The following PPP1R37 variants were observed in gnomAD, a reference collection of about 807,000 sequenced individuals.
PPP1R37 encodes the protein leucine rich repeat containing 68.
A neutral mutation model predicts 61.0 loss-of-function variants in PPP1R37; 21 were observed. That is an observed-to-expected ratio of 0.34 (90% CI 0.24 to 0.50). The LOEUF is 0.50. PPP1R37 is among the 20% of genes least tolerant of loss of function. PPP1R37 has a pLI of 0.98. For synonymous variants in PPP1R37, 443 were observed against 433.5 expected (o/e 1.02, Z -0.27); for missense variants, 910 against 952.7 (o/e 0.96, Z 0.59).
At position 45,119,143 on chromosome 19, in the gene PPP1R37, A is replaced by G. The variant is rs188079046; in HGVS notation, c.203-19371A>G. 2.8e-3 allele frequency among the ~76,000 whole-genome samples: 394 copies of G among 141,064 alleles called. 2 individuals carry two copies. The highest frequency in any genetic ancestry group is 9.6e-3 in the African/African-American group (359 of 37,478). The allele number at this position is 141,064 out of a possible 152,430, so 92.5% of individuals were successfully genotyped here. On this transcript the variant is annotated intron_variant, in intron 1 of 12. Coordinates refer to ENST00000221462, the MANE Select transcript of PPP1R37 (RefSeq NM_019121.2). ...AGCTGGGATTACAGGCACGTGCCAC[A>G]ACACCCGTCTAATTTTTTTTTTTTT...
chr19:45,108,422 G>A (rs1201588518), intron 1 of PPP1R37, among the ~76,000 whole-genome samples: 1 of 151,416 alleles, frequency 6.6e-6, no homozygotes, highest in Non-Finnish European at 1.5e-5. Flanking sequence ...TGGCCAGGCT[G>A]GTCTCAAACT....
chr19:45,124,961 A>AC (rs984208242), intron 1 of PPP1R37, among the ~76,000 whole-genome samples: 1 of 151,618 alleles, frequency 6.6e-6, no homozygotes, highest in Non-Finnish European at 1.5e-5. Flanking sequence ...ACAGATGGGG[A>AC]CCCCCCAAAA....
intron 1 of PPP1R37, among the ~76,000 whole-genome samples, chr19:45,099,232 C>T (rs1207631756): frequency 6.6e-6 from 1 of 152,224 alleles, no homozygotes; most frequent in Non-Finnish European, 1.5e-5. Context: ...AGGCCCACTC[C>T]TCCAGGCTGG....
chr19:45,128,426 C>A (rs983886217), intron 1 of PPP1R37: 1 of 489,802 alleles, frequency 2.0e-6, no homozygotes, highest in African/African-American at 2.0e-5. Flanking sequence ...TATTGTGATG[C>A]CTGCAGCTGT....
intron 11 of PPP1R37, 167 bp downstream of exon 11, chr19:45,146,216 C>G: frequency 1.1e-6 from 1 of 943,714 alleles, no homozygotes; most frequent in Non-Finnish European, 1.5e-6. Flanking sequence ...CCCTTGGGTC[C>G]TGGGAGCTCT....
chr19:45,093,434 G>T lies in PPP1R37; in HGVS notation c.109G>T (p.Gly37Trp). ...CAGCCCCGCGTCGCCCCCCGCCGAT[G>T]GGCGCCTCAAGGCTGCAGCCAAGCG... ...SPSPASPPAD[G>W]RLKAAAKRVT... The change falls in exon 1 of 13, where the codon GGG becomes TGG. Residue 37 changes from glycine to tryptophan, a missense_variant. Gly to Trp is a radical substitution (Grantham distance 184). Coordinates refer to ENST00000221462, the MANE Select transcript of PPP1R37 (RefSeq NM_019121.2). The T allele has an allele frequency of 6.5e-7, 1 of 1,535,042 alleles. No individual in the cohort carries two copies. The highest frequency in any genetic ancestry group is 8.7e-7 in the Non-Finnish European group (1 of 1,146,490).
chr19:45,125,209 A>C (rs1968389246), intron 1 of PPP1R37, among the ~76,000 whole-genome samples: 1 of 152,090 alleles, frequency 6.6e-6, no homozygotes, highest in African/African-American at 2.4e-5. Context: ...TCACGTCTGT[A>C]ATCCCAGCAC....
At chr19:45,115,299 C>T (rs755178423) in intron 1 of PPP1R37, among the ~76,000 whole-genome samples, 5 of 152,114 alleles carry the variant, frequency 3.3e-5, no homozygotes, top group African/African-American at 7.2e-5. Context: ...GGATATTGAA[C>T]GCCTTAAACT....
chr19:45,116,415 C>T (rs545456755), intron 1 of PPP1R37, among the ~76,000 whole-genome samples: 1 of 152,364 alleles, frequency 6.6e-6, no homozygotes, highest in Admixed American at 6.5e-5. Context: ...GCTGGCCATC[C>T]TGCAGCATGT....
intron 1 of PPP1R37, among the ~76,000 whole-genome samples, chr19:45,132,101 G>T (rs1391141554): frequency 6.6e-6 from 1 of 152,098 alleles, no homozygotes; most frequent in Non-Finnish European, 1.5e-5. Context: ...GAACACACCT[G>T]TCCTCCTCTC....
chr19:45,141,462 AGGAAGAGGCAGCTCAGGCTCCC>A (rs66519628), intron 5 of PPP1R37, 21 bp downstream of exon 5: 458,518 of 1,526,656 alleles, frequency 0.3, 72,691 homozygotes, highest in Non-Finnish European at 0.32. Context: ...CTCGGCTTCC[AGGAAGAGGCAGCTCAGGCTCCC>A]AGCACGGGGA....
At chr19:45,127,554 T>C (rs987608046) in intron 1 of PPP1R37, among the ~76,000 whole-genome samples, 1 of 151,972 alleles carries the variant, frequency 6.6e-6, no homozygotes, top group African/African-American at 2.4e-5. Flanking sequence ...GGAAATCTTA[T>C]GGGACCACCG....
At chr19:45,143,797 G>T in intron 8 of PPP1R37, 164 bp downstream of exon 8, 1 of 526,756 alleles carries the variant, frequency 1.9e-6, no homozygotes, top group Non-Finnish European at 3.4e-6. Context: ...CAGCTTCTGT[G>T]CCTGTTTTCC....
At chr19:45,111,011 A>G (rs1253422427) in intron 1 of PPP1R37, among the ~76,000 whole-genome samples, 2 of 151,992 alleles carry the variant, frequency 1.3e-5, no homozygotes, top group South Asian at 4.2e-4. Context: ...CCTGTCACCT[A>G]CTGAGGACTT....
chr19:45,139,345 C>T (rs535992352), intron 2 of PPP1R37, among the ~76,000 whole-genome samples: 27 of 152,382 alleles, frequency 1.8e-4, no homozygotes, highest in African/African-American at 3.1e-4. Flanking sequence ...CGGGAACCCC[C>T]GTTGTTGGCC....
intron 10 of PPP1R37, 43 bp from the exon 11 acceptor site, chr19:45,145,310 G>C: frequency 6.6e-7 from 1 of 1,521,868 alleles, no homozygotes; most frequent in South Asian, 1.2e-5. Flanking sequence ...AGGCCGGGTG[G>C]TGGGGCCGGC....
intron 1 of PPP1R37, among the ~76,000 whole-genome samples, chr19:45,119,789 G>A (rs371831916): frequency 6.6e-6 from 1 of 152,118 alleles, no homozygotes; most frequent in East Asian, 1.9e-4. Flanking sequence ...GAGAGGTGGT[G>A]GGTGTGGTGC....
chr19:45,138,064 A>G (rs1968560961), intron 1 of PPP1R37, among the ~76,000 whole-genome samples: 1 of 152,138 alleles, frequency 6.6e-6, no homozygotes, highest in Non-Finnish European at 1.5e-5. Context: ...TCAAGGCTGC[A>G]GTGAGCCATG....
chr19:45,137,450 C>A (rs1338013204), intron 1 of PPP1R37, among the ~76,000 whole-genome samples: 2 of 151,900 alleles, frequency 1.3e-5, no homozygotes, highest in Non-Finnish European at 2.9e-5. Context: ...AAGCCCAGCC[C>A]TCCCTTCCGC....
Sources: allele counts gnomAD v4.1 joint callset (sites outside exome capture counted in the v4.1 genomes callset), GRCh38; gene constraint gnomAD v4.1.1; transcripts MANE v1.5; gene names NCBI Gene and HGNC (gene_info 2026-07-23, HGNC 2026-07-21).